C16orf46: variants seen among roughly 807,000 people sequenced by gnomAD.
C16orf46 encodes uncharacterized protein C16orf46.
Under a neutral mutation model 5.5 loss-of-function variants are expected in C16orf46, and 7 were observed. The ratio of observed to expected loss-of-function variants is 1.28; its 90% CI spans 0.73 to 2.40. The LOEUF is 2.40. Ranked by LOEUF, C16orf46 falls within the 30% of genes most tolerant of loss-of-function variation. The pLI, the probability that C16orf46 is intolerant of heterozygous loss-of-function variation, is 0.00. For synonymous variants in C16orf46, 200 were observed against 184.1 expected, an observed-to-expected ratio of 1.09 and a Z score of -0.70; for missense variants, 614 against 476.0, an observed-to-expected ratio of 1.29 and a Z score of -2.70.
chr16:81,075,135 A>G (rs1971986596), intron 1 of C16orf46, among the ~76,000 whole-genome samples: 2 of 152,180 alleles, frequency 1.3e-5, no homozygotes. Context: ...TACTCCCTAT[A>G]CAATGACCTG....
chr16:81,071,720 A>G (rs186687216), intron 1 of C16orf46, among the ~76,000 whole-genome samples: 1 of 152,262 alleles, frequency 6.6e-6, no homozygotes, highest in East Asian at 1.9e-4. Flanking sequence ...AACCCCAAAA[A>G]TAAAAAAAAA....
At chr16:81,076,409 A>C (rs1250383565) in intron 1 of C16orf46, 1 of 152,184 alleles carries the variant, frequency 6.6e-6, no homozygotes, top group Non-Finnish European at 1.5e-5. Context: ...CCTTCTGCTT[A>C]TTATATGCCT....
In C16orf46 at chr16:81,062,638, G is replaced by A. The variant is rs186204172; in HGVS notation, c.211-500C>T. Among the ~76,000 whole-genome samples, 722 of 152,286 alleles carry A rather than the reference G, an allele frequency of 4.7e-3. 3 individuals are homozygous for A. Among genetic ancestry groups the A allele is most frequent in the Non-Finnish European group, 6.0e-3 (409 of 68,020 alleles). ...CTGTTGCTTGGAGAGGCTGGAGGGA[G>A]ACCGAGGAGCAGAGGCAGGTCCTGG... On this transcript the variant is annotated intron_variant, in intron 3 of 3. Coordinates refer to ENST00000299578, the MANE Select transcript of C16orf46 (RefSeq NM_152337.3).
Position 81,063,798 on chromosome 16 carries a change from T to A in C16orf46, c.158A>T (p.Glu53Val). The A allele has an allele frequency of 6.2e-7, 1 of 1,614,124 alleles. No individual in the cohort carries two copies. Among genetic ancestry groups the A allele is most frequent in the Non-Finnish European group, 8.5e-7 (1 of 1,180,020 alleles). ...AAACTCTTTGGCTTTTTCATCTTGT[T>A]CAAGCGTAATGTCACTGACATCGAG... Reference protein sequence around the residue: ...CLLDVSDITLEQDEKAKEFII... With the variant: ...CLLDVSDITLVQDEKAKEFII... Residue 53 changes from glutamate to valine, a missense_variant, in exon 3 of 4, where the codon GAA becomes GTA. By Grantham distance (121) the Glu-to-Val change is moderately radical (BLOSUM62 -2). Coordinates refer to ENST00000299578, the MANE Select transcript of C16orf46 (RefSeq NM_152337.3).
downstream of C16orf46, chr16:81,060,536 C>T (rs1426867924): frequency 6.6e-6 from 1 of 152,558 alleles, no homozygotes; most frequent in Non-Finnish European, 1.5e-5. Context: ...TCTCGAACTC[C>T]CAACCTCAGG....
intron 1 of C16orf46, among the ~76,000 whole-genome samples, chr16:81,071,823 A>G (rs1244060346): frequency 1.3e-5 from 2 of 152,238 alleles, no homozygotes; most frequent in Non-Finnish European, 2.9e-5. Flanking sequence ...GAGAAAAAAA[A>G]TGCAGGAAGG....
Position 81,061,564 on chromosome 16 carries a change from C to G in C16orf46, c.785G>C (p.Gly262Ala), listed in dbSNP as rs146750423. ...GGCCAGCTCACTGGCTCTTTTTTCACCTTTCCCATCTGCTGTTTTCAAGCC... is the reference window on the plus strand; with the variant it reads ...GGCCAGCTCACTGGCTCTTTTTTCAGCTTTCCCATCTGCTGTTTTCAAGCC... ...AYGLKTADGK[G>A]EKRASELAKH... The change falls in exon 4 of 4, where the codon GGT (glycine) becomes GCT (alanine). Residue 262 changes from glycine to alanine, a missense_variant. Gly to Ala is a moderately conservative substitution (Grantham distance 60, BLOSUM62 0). Coordinates refer to ENST00000299578, the MANE Select transcript of C16orf46 (RefSeq NM_152337.3). 6.2e-7 allele frequency: 1 copy of G among 1,614,064 alleles called. No homozygotes were observed. The highest frequency in any genetic ancestry group is 1.3e-5 in the African/African-American group (1 of 74,936).
At chr16:81,058,567 G>C (rs1971371771), downstream of C16orf46, among the ~76,000 whole-genome samples, 1 of 152,180 alleles carries the variant, frequency 6.6e-6, no homozygotes, top group Non-Finnish European at 1.5e-5. Context: ...TAAGTTCTGA[G>C]AACCCATTAA....
intron 3 of C16orf46, 101 bp from the exon 4 acceptor site, chr16:81,062,239 A>G (rs1971508587): frequency 2.0e-6 from 2 of 1,007,104 alleles, no homozygotes; most frequent in Non-Finnish European, 2.7e-6. Context: ...ATGTGAAACA[A>G]TATTCTTATT....
At chr16:81,067,033 G>C (rs1415233114) in intron 1 of C16orf46, among the ~76,000 whole-genome samples, 1 of 152,134 alleles carries the variant, frequency 6.6e-6, no homozygotes, top group East Asian at 1.9e-4. Context: ...AGTTGACTCT[G>C]ATCCAAGCCC....
chr16:81,075,421 C>G (rs1449698460), intron 1 of C16orf46, among the ~76,000 whole-genome samples: 3 of 152,162 alleles, frequency 2.0e-5, no homozygotes. Flanking sequence ...GAAACCCCAT[C>G]TTTACCGAAA....
At chr16:81,065,372 G>A (rs1444808838) in intron 2 of C16orf46, among the ~76,000 whole-genome samples, 1 of 151,700 alleles carries the variant, frequency 6.6e-6, no homozygotes, top group African/African-American at 2.4e-5. Context: ...TACTCAGGAG[G>A]CTGTGGCAGG....
chr16:81,063,801 A>T lies in C16orf46; in HGVS notation c.155T>A (p.Leu52His). Residue 52 changes from leucine to histidine, a missense_variant, in exon 3 of 4, where the codon CTT becomes CAT. Coordinates refer to ENST00000299578, the MANE Select transcript of C16orf46 (RefSeq NM_152337.3). Reference sequence around the variant, plus strand: ...CTCTTTGGCTTTTTCATCTTGTTCAAGCGTAATGTCACTGACATCGAGAAG... The same window carrying T: ...CTCTTTGGCTTTTTCATCTTGTTCATGCGTAATGTCACTGACATCGAGAAG... ...YCLLDVSDIT[L>H]EQDEKAKEFI... 1 of 1,614,098 alleles carries T rather than the reference A, an allele frequency of 6.2e-7. No homozygotes were observed. Among genetic ancestry groups the T allele is most frequent in the Non-Finnish European group, 8.5e-7 (1 of 1,180,022 alleles).
At chr16:81,067,236 A>G (rs371393178) in intron 1 of C16orf46, among the ~76,000 whole-genome samples, 4 of 152,328 alleles carry the variant, frequency 2.6e-5, no homozygotes, top group South Asian at 4.1e-4. Context: ...TGATCAGCCA[A>G]AGAAATGTAA....
downstream of C16orf46, chr16:81,060,307 G>C (rs1184716590): frequency 1.3e-5 from 2 of 152,550 alleles, no homozygotes; most frequent in Non-Finnish European, 2.9e-5. Flanking sequence ...ACAAGCTGGA[G>C]TTTTCTTTTC....
intron 3 of C16orf46, among the ~76,000 whole-genome samples, chr16:81,062,631 G>C (rs1355573887): frequency 6.6e-6 from 1 of 152,172 alleles, no homozygotes; most frequent in Non-Finnish European, 1.5e-5. Flanking sequence ...TGGAGAGGCT[G>C]GAGGGAGACC....
intron 1 of C16orf46, among the ~76,000 whole-genome samples, chr16:81,074,820 T>C (rs981769649): frequency 5.3e-5 from 8 of 152,208 alleles, no homozygotes; most frequent in African/African-American, 1.9e-4. Context: ...TCTTTTTCTT[T>C]ATTCTTTTTG....
chr16:81,073,512 G>A (rs538949751), intron 1 of C16orf46, among the ~76,000 whole-genome samples: 1 of 152,228 alleles, frequency 6.6e-6, no homozygotes, highest in South Asian at 2.1e-4. Flanking sequence ...TGGATGAATA[G>A]GATGAAATAT....
chr16:81,068,748 C>A (rs1485878816), intron 1 of C16orf46, among the ~76,000 whole-genome samples: 1 of 151,978 alleles, frequency 6.6e-6, no homozygotes, highest in African/African-American at 2.4e-5. Context: ...GTCACCCATG[C>A]TGGAGTGCAG....
Sources: gnomAD v4.1 joint callset for allele counts (sites outside exome capture counted in the v4.1 genomes callset) on GRCh38, gnomAD v4.1.1 for gene constraint, MANE v1.5 for transcripts, NCBI Gene and HGNC (gene_info 2026-07-23, HGNC 2026-07-21) for gene names.